Variants in TPR observed in about 807,000 individuals in gnomAD.
TPR encodes translocated promoter region, nuclear basket protein, also known as nucleoprotein TPR.
TPR carries 51 observed loss-of-function variants against 316.1 expected under a neutral mutation model. The observed-to-expected ratio is 0.16, with a 90% CI of 0.13 to 0.20. The LOEUF (loss-of-function observed/expected upper bound fraction) is 0.20, where lower values mean the gene tolerates loss of function less well. TPR is among the 10% of genes least tolerant of loss of function. TPR has a pLI of 1.00. For missense variants in TPR, 2,272 were observed against 2,754.8 expected, an observed-to-expected ratio of 0.82 and a Z score of 3.92; for synonymous variants, 981 against 914.7, an observed-to-expected ratio of 1.07 and a Z score of -1.31.
intron 11 of TPR, 101 bp from the exon 12 acceptor site, chr1:186,360,097 G>T: frequency 7.3e-7 from 1 of 1,378,802 alleles, no homozygotes; most frequent in Non-Finnish European, 1.0e-6. Flanking sequence ...AACACAAAAT[G>T]GCAATGTTTA....
In TPR at chr1:186,346,277, T is replaced by G; in HGVS notation, c.2954A>C (p.Glu985Ala). 1 of 1,612,456 alleles carries G rather than the reference T, an allele frequency of 6.2e-7. No homozygotes were observed. Among genetic ancestry groups the G allele is most frequent in the Non-Finnish European group, 8.5e-7 (1 of 1,179,408 alleles). The stretch of plus-strand genomic sequence containing the variant: ...ACGAACTTCAATATTCTTACGCACT[T>G]CTTCTGTCACCTTTACCATATTACA... ...SLNKEKQVTE[E>A]VRKNIEVRLK... Residue 985 changes from glutamate (E) to alanine (A), a missense_variant, in exon 23 of 51, where the codon GAA becomes GCA. By Grantham distance (107) the Glu-to-Ala change is moderately radical. Around this residue, in one of 10 missense-constraint regions of TPR, gnomAD observed 757 missense variants for 859.8 expected, o/e 0.88. Coordinates refer to ENST00000367478, the MANE Select transcript of TPR (RefSeq NM_003292.3).
At chr1:186,366,907 A>C (rs1347678693) in intron 4 of TPR, among the ~76,000 whole-genome samples, 7 of 151,824 alleles carry the variant, frequency 4.6e-5, no homozygotes, top group Non-Finnish European at 1.0e-4. Context: ...TGATCAACAC[A>C]CTCAAGTATT....
At chr1:186,373,745 A>G (rs1659601436) in intron 1 of TPR, among the ~76,000 whole-genome samples, 1 of 152,254 alleles carries the variant, frequency 6.6e-6, no homozygotes, top group South Asian at 2.1e-4. Context: ...CATTTATCTT[A>G]GTATTTTCTC....
At chr1:186,353,241 G>A (rs999849043) in intron 18 of TPR, among the ~76,000 whole-genome samples, 11 of 151,940 alleles carry the variant, frequency 7.2e-5, no homozygotes, top group South Asian at 2.1e-4. Context: ...GTGTGGTGGC[G>A]GGCACCTGTA....
chr1:186,367,649 G>C (rs899537581), intron 4 of TPR, among the ~76,000 whole-genome samples: 4 of 152,084 alleles, frequency 2.6e-5, no homozygotes, highest in Non-Finnish European at 5.9e-5. Flanking sequence ...TGTAAAATCT[G>C]GTCCAAATTA....
chr1:186,358,467 G>A (rs984606579), intron 13 of TPR, 76 bp downstream of exon 13: 4 of 1,095,742 alleles, frequency 3.7e-6, no homozygotes, highest in Non-Finnish European at 4.0e-6. Flanking sequence ...TCTATCTTAG[G>A]TACCTTCAAA....
intron 45 of TPR, among the ~76,000 whole-genome samples, chr1:186,320,620 TAAG>T (rs1435717454): frequency 3.9e-5 from 6 of 152,352 alleles, no homozygotes; most frequent in Admixed American, 1.3e-4. Flanking sequence ...AATTTAGTAA[TAAG>T]AATAACCTGT....
intron 15 of TPR, 52 bp downstream of exon 15, chr1:186,356,234 C>G: frequency 6.8e-7 from 1 of 1,462,346 alleles, no homozygotes; most frequent in African/African-American, 1.4e-5. Context: ...AAAATTAATC[C>G]CTTAATATAC....
intron 40 of TPR, among the ~76,000 whole-genome samples, chr1:186,327,001 T>C (rs1657954628): frequency 1.0e-5 from 1 of 96,276 alleles, no homozygotes; most frequent in Admixed American, 1.8e-4. Context: ...ATATATAATA[T>C]ATTAAATATA....
intron 21 of TPR, 74 bp from the exon 22 acceptor site, chr1:186,347,532 G>A: frequency 6.9e-7 from 1 of 1,444,184 alleles, no homozygotes. Context: ...AAGAGCTTAT[G>A]AAATTAGCAT....
Position 186,335,331 on chromosome 1 carries a change from T to G in TPR, c.4911+7A>C. The G allele has an allele frequency of 6.2e-7, 1 of 1,611,856 alleles. No homozygotes were observed. Among genetic ancestry groups the G allele is most frequent in the Non-Finnish European group, 8.5e-7 (1 of 1,179,176 alleles). On this transcript the variant is annotated splice_region_variant and intron_variant, in intron 34 of 50. Transcript: ENST00000367478. Reference sequence around the variant, plus strand: ...AATTTGTTACTTAAGCAGAATTAGCTAATCACCTTATTAGAAGGTTCTTGA... The same window carrying G: ...AATTTGTTACTTAAGCAGAATTAGCGAATCACCTTATTAGAAGGTTCTTGA...
Position 186,350,406 on chromosome 1 carries a change from C to T in TPR, c.2611-18G>A. 2.6e-6 allele frequency: 4 copies of T among 1,533,762 alleles called. No homozygotes were observed. Among genetic ancestry groups the T allele is most frequent in the Non-Finnish European group, 3.5e-6 (4 of 1,133,046 alleles). ...AGTTGAACCTATAAAATACATTAAT[C>T]TTATAACATTCTTTAGGTTCCTAAG... On this transcript the variant is annotated intron_variant, in intron 20 of 50. Transcript: ENST00000367478.
intron 20 of TPR, 121 bp downstream of exon 20, chr1:186,351,208 GA>G: frequency 6.6e-6 from 8 of 1,218,182 alleles, no homozygotes; most frequent in Non-Finnish European, 8.8e-6. Flanking sequence ...AGTGAGGCAA[GA>G]AAAACTTAGT....
rs1558039756 is a variant in TPR, at chr1:186,368,005, G to GT, written c.331-24dup. 3 of 1,561,428 alleles carry GT rather than the reference G, an allele frequency of 1.9e-6. No individual in the cohort carries two copies. The Admixed American group carries it at 5.1e-5, about 26-fold the overall frequency. ...GCTCTGTCATATAAAGAAGTAATAA[G>GT]TAAGAAAATCAAGTAGAGCAATACA... On this transcript the variant is annotated intron_variant, in intron 3 of 50. Transcript: ENST00000367478.
chr1:186,358,536 T>A lies in TPR; in HGVS notation c.1497+7A>T, dbSNP rs987219072. On this transcript the variant is annotated splice_region_variant and intron_variant, in intron 13 of 50. Transcript: ENST00000367478. ...AAAAGTAGGAAAACAAACAAAAAAA[T>A]TCTAACCTGTTGTGAAAGATCTTTT... 3 of 1,602,732 alleles carry A rather than the reference T, an allele frequency of 1.9e-6. No individual in the cohort carries two copies.
chr1:186,355,057 C>G (rs1040049456), intron 17 of TPR, among the ~76,000 whole-genome samples: 1 of 152,104 alleles, frequency 6.6e-6, no homozygotes, highest in African/African-American at 2.4e-5. Flanking sequence ...GCATGCAACA[C>G]TGCCGCTCAG....
Position 186,322,348 on chromosome 1 carries a change from T to C in TPR, c.6431A>G (p.His2144Arg). ...VPSTPTLVVPHRTDGFAEAIH... is the reference protein window; with the variant it reads ...VPSTPTLVVPRRTDGFAEAIH... The stretch of plus-strand genomic sequence containing the variant: ...TGCTTCAGCAAATCCATCAGTACGA[T>C]GTGGCACCACAAGAGTTGGAGTACT... Residue 2144 changes from histidine to arginine, a missense_variant, in exon 45 of 51, where the codon CAT becomes CGT. Around this residue, in one of 10 missense-constraint regions of TPR, gnomAD observed 88 missense variants for 176.2 expected, o/e 0.50. Transcript: ENST00000367478. 6.2e-7 allele frequency: 1 copy of C among 1,613,302 alleles called. No individual in the cohort carries two copies. The highest frequency in any genetic ancestry group is 8.5e-7 in the Non-Finnish European group (1 of 1,179,766).
At position 186,322,784 on chromosome 1, in the gene TPR, A is replaced by G. The variant is rs559084893; in HGVS notation, c.6298-198T>C. On this transcript the variant is annotated intron_variant, in intron 43 of 50. Coordinates refer to ENST00000367478, the MANE Select transcript of TPR (RefSeq NM_003292.3). ...TTTTTAATTATAGTCTATAATATTA[A>G]CCAATAAAAATCATTCTATTAACCA... The G allele has an allele frequency of 7.2e-6, 4 of 557,760 alleles. No homozygotes were observed. The East Asian group carries it at 1.2e-4, about 17-fold the overall frequency. The allele number at this position is 557,760 out of a possible 1,614,324, so 34.6% of individuals were successfully genotyped here.
chr1:186,313,920 C>T lies in TPR; in HGVS notation c.*51G>A. On this transcript the variant is annotated 3_prime_UTR_variant, in exon 51 of 51. Coordinates refer to ENST00000367478, the MANE Select transcript of TPR (RefSeq NM_003292.3). ...GTTTTTAAACTTGACAATCATTACA[C>T]TAAAACAGATTTGATAATCTTATTC... The T allele has an allele frequency of 1.3e-6, 2 of 1,585,194 alleles. No individual in the cohort carries two copies. The highest frequency in any genetic ancestry group is 1.7e-6 in the Non-Finnish European group (2 of 1,155,584).
Sources: gnomAD v4.1 joint callset for allele counts (sites outside exome capture counted in the v4.1 genomes callset) on GRCh38, gnomAD v4.1.1 for gene constraint, gnomAD v4.1.1 regional missense constraint, MANE v1.5 for transcripts, NCBI Gene and HGNC (gene_info 2026-07-23, HGNC 2026-07-21) for gene names.